Variants in TOP1 observed in about 807,000 individuals in gnomAD.
The protein encoded by TOP1 is DNA topoisomerase 1.
Under a neutral mutation model 111.1 loss-of-function variants are expected in TOP1, and 10 were observed. The observed-to-expected ratio is 0.09, with a 90% CI of 0.06 to 0.15. The LOEUF (loss-of-function observed/expected upper bound fraction) is 0.15. TOP1 is among the 10% of genes least tolerant of loss of function. The pLI, the probability that TOP1 is intolerant of heterozygous loss-of-function variation, is 1.00. For missense variants in TOP1, 474 were observed against 926.7 expected, an observed-to-expected ratio of 0.51 and a Z score of 6.34; for synonymous variants, 271 against 302.9, an observed-to-expected ratio of 0.89 and a Z score of 1.10.
At position 41,121,939 on chromosome 20, in the gene TOP1, G is replaced by A. The variant is rs1330648583; in HGVS notation, c.2046-67G>A. The A allele has an allele frequency of 1.3e-6, 2 of 1,585,590 alleles. No individual in the cohort carries two copies. The highest frequency in any genetic ancestry group is 2.7e-5 in the African/African-American group (2 of 73,406). ...GGGCTTTTATTGACTCAAAGTGGCA[G>A]GATGGGTACAGTGTGCTCTTGTCTA... is the stretch of plus-strand genomic sequence containing the variant. On this transcript the variant is annotated intron_variant, in intron 19 of 20. Transcript: ENST00000361337. The surrounding 1 kb of genome is among the most constrained non-coding windows in gnomAD (Gnocchi z 4.2).
chr20:41,101,183 C>T lies in TOP1; in HGVS notation c.1164-26C>T. ...AAATTATTCCTCACATCTTATTTCACTATCCTCGTGCTCTGTTATTTCCAG... is the reference window on the plus strand; with the variant it reads ...AAATTATTCCTCACATCTTATTTCATTATCCTCGTGCTCTGTTATTTCCAG... On this transcript the variant is annotated intron_variant, in intron 12 of 20. Transcript: ENST00000361337. The surrounding 1 kb of genome is among the most constrained non-coding windows in gnomAD (Gnocchi z 4.1). The T allele has an allele frequency of 6.2e-7, 1 of 1,612,774 alleles. No homozygotes were observed. Among genetic ancestry groups the T allele is most frequent in the Non-Finnish European group, 8.5e-7 (1 of 1,178,886 alleles).
rs1346534589 is a variant in TOP1, at chr20:41,095,713, T to A, written c.731-1507T>A. Among the ~76,000 whole-genome samples, 1 of 152,232 alleles carries A rather than the reference T, an allele frequency of 6.6e-6. No individual in the cohort carries two copies. The highest frequency in any genetic ancestry group is 2.4e-5 in the African/African-American group (1 of 41,454). ...TTCTGAGTTTTGAAATAAATGGATT[T>A]CTGGTTAAATTTTAGTTTTCTATAA... On this transcript the variant is annotated intron_variant, in intron 9 of 20. Coordinates refer to ENST00000361337, the MANE Select transcript of TOP1 (RefSeq NM_003286.4). The surrounding 1 kb of genome is among the most constrained non-coding windows in gnomAD (Gnocchi z 4.6).
rs1214415159 is a variant in TOP1, at chr20:41,098,827, GT to G, written c.975+495del. ...GTCATTTTTCTTCTACAGGCTGCCTGTTTTTGTAAAAAAAAAAAAAAAAAAT... is the reference window on the plus strand; with the variant it reads ...GTCATTTTTCTTCTACAGGCTGCCTGTTTTGTAAAAAAAAAAAAAAAAAAT... On this transcript the variant is annotated intron_variant, in intron 11 of 20. Coordinates refer to ENST00000361337, the MANE Select transcript of TOP1 (RefSeq NM_003286.4). This position sits in a 1 kb window ranked among gnomAD's most constrained non-coding sequence, Gnocchi z 5.7. The G allele has an allele frequency of 4.8e-5, 7 of 146,146 alleles. No individual in the cohort carries two copies. Among genetic ancestry groups the G allele is most frequent in the Admixed American group, 2.1e-4 (3 of 14,500 alleles). 9.1% of individuals were successfully genotyped at this position (146,146 alleles called of 1,614,324 possible).
Position 41,112,607 on chromosome 20 carries a change from C to T in TOP1, c.1309-175C>T, listed in dbSNP as rs538401011. ...TGTCACCCATGGTGGAGTGCAGTGGCGTGATCTTGGCTCACTGCAACCTCT... is the reference window on the plus strand; with the variant it reads ...TGTCACCCATGGTGGAGTGCAGTGGTGTGATCTTGGCTCACTGCAACCTCT... On this transcript the variant is annotated intron_variant, in intron 13 of 20. Transcript: ENST00000361337. The surrounding 1 kb of genome is among the most constrained non-coding windows in gnomAD (Gnocchi z 5.8). Among the ~76,000 whole-genome samples the T allele has an allele frequency of 1.3e-5, 2 of 152,328 alleles. No individual in the cohort carries two copies. Among genetic ancestry groups the T allele is most frequent in the South Asian group, 2.1e-4 (1 of 4,832 alleles).
intron 2 of TOP1, among the ~76,000 whole-genome samples, chr20:41,038,614 G>A (rs995934061): frequency 1.3e-5 from 2 of 152,114 alleles, no homozygotes; most frequent in South Asian, 2.1e-4. Context: ...TTGACTTTGC[G>A]GCAACTTCAG....
intron 3 of TOP1, among the ~76,000 whole-genome samples, chr20:41,065,529 A>AGTT (rs2033596464): frequency 6.6e-6 from 1 of 152,142 alleles, no homozygotes; most frequent in Non-Finnish European, 1.5e-5. Context: ...GAATTCACTA[A>AGTT]ATAATAACTT....
rs1407742375 is a variant in TOP1 at position 41,106,635 on chromosome 20, T to C, written c.1308+5282T>C. 1.4e-4 allele frequency among the ~76,000 whole-genome samples: 22 copies of C among 152,200 alleles called. No homozygotes were observed. ...TTAAAAAATTCTTATTTTTAAGTGA[T>C]CTTATAGTTTTTATTGCTAATGTGA... On this transcript the variant is annotated intron_variant, in intron 13 of 20. Transcript: ENST00000361337. This position sits in a 1 kb window ranked among gnomAD's most constrained non-coding sequence, Gnocchi z 4.3.
Position 41,112,641 on chromosome 20 carries a change from C to T in TOP1, c.1309-141C>T. ...GGCTCACTGCAACCTCTGCCTCCTG[C>T]GTTCAAGCAATTCTTGTGTCTTAGC... On this transcript the variant is annotated intron_variant, in intron 13 of 20. Coordinates refer to ENST00000361337, the MANE Select transcript of TOP1 (RefSeq NM_003286.4). This position sits in a 1 kb window ranked among gnomAD's most constrained non-coding sequence, Gnocchi z 5.8. 4 of 846,426 alleles carry T rather than the reference C, an allele frequency of 4.7e-6. No homozygotes were observed. Among genetic ancestry groups the T allele is most frequent in the South Asian group, 1.8e-5 (1 of 55,892 alleles). 52.4% of individuals were successfully genotyped at this position (846,426 alleles called of 1,614,324 possible). A position where few individuals can be genotyped will look rare whatever the true frequency, so the allele number is the denominator to read the frequency against.
At position 41,058,199 on chromosome 20, in the gene TOP1, C is replaced by A. The variant is rs1177189669; in HGVS notation, c.59-3195C>A. On this transcript the variant is annotated intron_variant, in intron 2 of 20. Coordinates refer to ENST00000361337, the MANE Select transcript of TOP1 (RefSeq NM_003286.4). This position sits in a 1 kb window ranked among gnomAD's most constrained non-coding sequence, Gnocchi z 4.2. Reference sequence around the variant, plus strand: ...AATAGATGCTCAGCAGATTATGACACATGTGGCTTCTTTTGCTGTGAGCCA... The same window carrying A: ...AATAGATGCTCAGCAGATTATGACAAATGTGGCTTCTTTTGCTGTGAGCCA... Among the ~76,000 whole-genome samples, 2 of 152,242 alleles carry A rather than the reference C, an allele frequency of 1.3e-5. No individual in the cohort carries two copies. Among genetic ancestry groups the A allele is most frequent in the African/African-American group, 2.4e-5 (1 of 41,468 alleles).
At chr20:41,120,601 C>G (rs17179419) in intron 18 of TOP1, among the ~76,000 whole-genome samples, 8,447 of 152,272 alleles carry the variant, frequency 0.055, 294 homozygotes, top group Middle Eastern at 0.15. Context: ...AAGATTCTAA[C>G]AAGCAAGAAA....
At position 41,112,543 on chromosome 20, in the gene TOP1, TA is replaced by T. The variant is rs963287917; in HGVS notation, c.1309-237del. 6.6e-6 allele frequency among the ~76,000 whole-genome samples: 1 copy of T among 152,238 alleles called. No homozygotes were observed. Among genetic ancestry groups the T allele is most frequent in the Non-Finnish European group, 1.5e-5 (1 of 68,042 alleles). The stretch of plus-strand genomic sequence containing the variant: ...AGTACTATTCTTTTTTACGTTTGCT[TA>T]AGGTCAAGTTCCTGCTCTTTTGTTC... On this transcript the variant is annotated intron_variant, in intron 13 of 20. Coordinates refer to ENST00000361337, the MANE Select transcript of TOP1 (RefSeq NM_003286.4). This position sits in a 1 kb window ranked among gnomAD's most constrained non-coding sequence, Gnocchi z 5.8.
At chr20:41,045,403 T>TAGG (rs1281436658) in intron 2 of TOP1, among the ~76,000 whole-genome samples, 1 of 152,180 alleles carries the variant, frequency 6.6e-6, no homozygotes, top group Non-Finnish European at 1.5e-5. Flanking sequence ...TAAGAGGACT[T>TAGG]ACAACTGGTA....
At position 41,049,273 on chromosome 20, in the gene TOP1, T is replaced by G. The variant is rs187511959; in HGVS notation, c.59-12121T>G. On this transcript the variant is annotated intron_variant, in intron 2 of 20. Coordinates refer to ENST00000361337, the MANE Select transcript of TOP1 (RefSeq NM_003286.4). ...ATTTCTTCTGAACACTTGGGCACTT[T>G]GGAAATTGTAGTGACAGGTTTTAGA... 2.5e-4 allele frequency among the ~76,000 whole-genome samples: 38 copies of G among 152,324 alleles called. No homozygotes were observed. The East Asian group carries it at 4.6e-3, about 19-fold the overall frequency.
In TOP1 at chr20:41,078,676, C is replaced by T. The variant is rs2060581639; in HGVS notation, c.335+1039C>T. Among the ~76,000 whole-genome samples, 1 of 152,158 alleles carries T rather than the reference C, an allele frequency of 6.6e-6. No individual in the cohort carries two copies. The highest frequency in any genetic ancestry group is 6.5e-5 in the Admixed American group (1 of 15,278). The stretch of plus-strand genomic sequence containing the variant: ...GGGCTAATCTCTGCCAAGAGACTGC[C>T]TTGGATTTTTATTAAACTGATATGA... On this transcript the variant is annotated intron_variant, in intron 5 of 20. Transcript: ENST00000361337. This position sits in a 1 kb window ranked among gnomAD's most constrained non-coding sequence, Gnocchi z 5.3.
rs1323391386 is a variant in TOP1 at position 41,102,692 on chromosome 20, AT to A, written c.1308+1340del. On this transcript the variant is annotated intron_variant, in intron 13 of 20. Transcript: ENST00000361337. This position sits in a 1 kb window ranked among gnomAD's most constrained non-coding sequence, Gnocchi z 4.0. ...GTACAAAATCAGAAAGCGAACACTT[AT>A]GTTGAGCAGACTAGTCATTTAAAGA... Among the ~76,000 whole-genome samples the A allele has an allele frequency of 6.6e-6, 1 of 152,216 alleles. No individual in the cohort carries two copies. Among genetic ancestry groups the A allele is most frequent in the Non-Finnish European group, 1.5e-5 (1 of 68,036 alleles).
chr20:41,076,844 C>T (rs925125661), intron 4 of TOP1, among the ~76,000 whole-genome samples: 6 of 152,178 alleles, frequency 3.9e-5, no homozygotes, highest in Non-Finnish European at 7.3e-5. Context: ...CATCTCTTCA[C>T]CCCTGACTCA....
At position 41,118,542 on chromosome 20, in the gene TOP1, G is replaced by T. The variant is rs146665647; in HGVS notation, c.1950+246G>T. On this transcript the variant is annotated intron_variant, in intron 18 of 20. Transcript: ENST00000361337. This position sits in a 1 kb window ranked among gnomAD's most constrained non-coding sequence, Gnocchi z 4.6. ...TTCTATACTGGCCACTCCCTATTTT[G>T]AAAAACTAACTTTGGTGTACATTCT... Among the ~76,000 whole-genome samples the T allele has an allele frequency of 6.6e-6, 1 of 152,150 alleles. No homozygotes were observed. The highest frequency in any genetic ancestry group is 1.5e-5 in the Non-Finnish European group (1 of 68,012).
chr20:41,033,508 T>C (rs548242849), intron 2 of TOP1, among the ~76,000 whole-genome samples: 1 of 152,330 alleles, frequency 6.6e-6, no homozygotes, highest in East Asian at 1.9e-4. Context: ...TGTGAGGTTT[T>C]TTTGTTTTGC....
At chr20:41,081,133 TG>T in intron 6 of TOP1, 31 bp from the exon 7 acceptor site, 1 of 1,571,596 alleles carries the variant, frequency 6.4e-7, no homozygotes, top group African/African-American at 1.4e-5. Flanking sequence ...ATCATAATTA[TG>T]TTAACTGTGT....
Sources: gnomAD v4.1 joint callset for allele counts (sites outside exome capture counted in the v4.1 genomes callset) on GRCh38, gnomAD v4.1.1 for gene constraint, Gnocchi (gnomAD v3.1) non-coding constraint, MANE v1.5 for transcripts, NCBI Gene and HGNC (gene_info 2026-07-23, HGNC 2026-07-21) for gene names.